Variants in CPSF4L observed in about 807,000 individuals in gnomAD.
The protein encoded by CPSF4L is putative cleavage and polyadenylation specificity factor subunit 4-like protein.
CPSF4L carries 18 observed loss-of-function variants against 24.0 expected under a neutral mutation model. The ratio of observed to expected loss-of-function variants is 0.75; its 90% CI spans 0.52 to 1.11. The LOEUF (loss-of-function observed/expected upper bound fraction) is 1.11, where lower values mean the gene tolerates loss of function less well. Among genes scored for constraint, CPSF4L ranks in the 50% least tolerant of loss-of-function variants. CPSF4L has a pLI of 0.00. For missense variants in CPSF4L, 211 were observed against 221.8 expected (o/e 0.95, Z 0.31); for synonymous variants, 72 against 77.2 (o/e 0.93, Z 0.35).
At chr17:73,253,002 C>CT (rs5821956) in intron 4 of CPSF4L, among the ~76,000 whole-genome samples, 141,884 of 152,242 alleles carry the variant, frequency 0.93, 66,504 homozygotes, top group Non-Finnish European at 0.99. Context: ...TCCTGGAGGA[C>CT]TGCATGGATA....
At chr17:73,255,880 G>GCAGCA (rs2062023284) in intron 3 of CPSF4L, among the ~76,000 whole-genome samples, 1 of 152,150 alleles carries the variant, frequency 6.6e-6, no homozygotes, top group Non-Finnish European at 1.5e-5. Flanking sequence ...CAGCACCTCA[G>GCAGCA]CCTTCAATCC....
chr17:73,253,759 C>A (rs1398567366), intron 4 of CPSF4L, among the ~76,000 whole-genome samples, 172 bp downstream of exon 4: 3 of 152,224 alleles, frequency 2.0e-5, no homozygotes, highest in Non-Finnish European at 4.4e-5. Context: ...TATGGCCCCA[C>A]ACCAGGCTGT....
At chr17:73,262,026 G>T (rs946220102), upstream of CPSF4L, 1 of 581,412 alleles carries the variant, frequency 1.7e-6, no homozygotes, top group African/African-American at 1.9e-5. Flanking sequence ...CAGTGCAGGG[G>T]CAGACACCCC....
At chr17:73,261,028 T>A in intron 1 of CPSF4L, 45 bp from the exon 2 acceptor site, 5 of 1,508,246 alleles carry the variant, frequency 3.3e-6, no homozygotes, top group Non-Finnish European at 3.6e-6. Flanking sequence ...CCCCAGAGGC[T>A]GCAGCTGTTC....
chr17:73,248,798 G>T, intron 5 of CPSF4L: 1 of 403,442 alleles, frequency 2.5e-6, no homozygotes. Flanking sequence ...GAAAGACTGA[G>T]TTTACTTGGG....
chr17:73,260,896 C>CTGT, intron 2 of CPSF4L, 37 bp downstream of exon 2: 1 of 1,536,142 alleles, frequency 6.5e-7, no homozygotes, highest in Non-Finnish European at 8.8e-7. Flanking sequence ...ACCCTACACT[C>CTGT]ACCCAGCTTG....
Position 73,252,737 on chromosome 17 carries a change from A to G in CPSF4L, c.404-14T>C. On this transcript the variant is annotated splice_polypyrimidine_tract_variant and intron_variant, in intron 4 of 5. Coordinates refer to ENST00000344935, the MANE Select transcript of CPSF4L (RefSeq NM_001129885.1). ...TACACAGAGGACCTGCTGAGCAAAG[A>G]GAAAGTGATGAGAAGGATCCGCTTC... The G allele has an allele frequency of 2.0e-6, 3 of 1,527,590 alleles. No homozygotes were observed. The highest frequency in any genetic ancestry group is 2.5e-5 in the East Asian group (1 of 40,774). The allele number at this position is 1,527,590 out of a possible 1,614,324, so 94.6% of individuals were successfully genotyped here. A position where few individuals can be genotyped will look rare whatever the true frequency, so the allele number is the denominator to read the frequency against.
chr17:73,256,484 G>A (rs1327405724), intron 3 of CPSF4L, among the ~76,000 whole-genome samples: 1 of 152,188 alleles, frequency 6.6e-6, no homozygotes, highest in Non-Finnish European at 1.5e-5. Flanking sequence ...AGCCACATTT[G>A]GAAGCCAAGC....
At chr17:73,262,023 G>A, upstream of CPSF4L, 1 of 583,568 alleles carries the variant, frequency 1.7e-6, no homozygotes. Context: ...ACCCAGTGCA[G>A]GGGCAGACAC....
chr17:73,257,971 T>A, intron 2 of CPSF4L, 138 bp from the exon 3 acceptor site: 1 of 821,860 alleles, frequency 1.2e-6, no homozygotes, highest in Non-Finnish European at 1.8e-6. Context: ...CTGGACCCTG[T>A]AGGGGCTGGA....
intron 5 of CPSF4L, among the ~76,000 whole-genome samples, chr17:73,249,489 C>G (rs538037202): frequency 6.6e-6 from 1 of 152,142 alleles, no homozygotes; most frequent in African/African-American, 2.4e-5. Context: ...CCCCAAAACC[C>G]GACTCCTGGG....
downstream of CPSF4L, among the ~76,000 whole-genome samples, chr17:73,246,591 G>A (rs1270070162): frequency 6.6e-6 from 1 of 152,138 alleles, no homozygotes; most frequent in Non-Finnish European, 1.5e-5. Flanking sequence ...TGACTTGTAT[G>A]TCGTTTCTCT....
chr17:73,248,631 G>C, intron 5 of CPSF4L, 95 bp from the exon 6 acceptor site: 9 of 1,261,694 alleles, frequency 7.1e-6, no homozygotes, highest in Non-Finnish European at 1.0e-5. Flanking sequence ...GTGACACCCA[G>C]GCTACTGTCC....
At chr17:73,242,246 T>G in the CPSF4L span, 16 of 1,576,904 alleles carry the variant, frequency 1.0e-5, no homozygotes, top group African/African-American at 1.4e-5. Flanking sequence ...AACCATAGTT[T>G]CTTTGTTGGA....
chr17:73,242,660 G>T, the CPSF4L span, among the ~76,000 whole-genome samples: 1 of 152,166 alleles, frequency 6.6e-6, no homozygotes, highest in Non-Finnish European at 1.5e-5. Context: ...TTAACCAGTT[G>T]TATTAGCCTC....
In CPSF4L at chr17:73,248,941, T is replaced by C. The variant is rs562550744; in HGVS notation, c.498-405A>G. 1.2e-3 allele frequency: 208 copies of C among 166,894 alleles called. 2 individuals carry two copies. Among genetic ancestry groups the C allele is most frequent in the African/African-American group, 4.7e-3 (198 of 41,814 alleles). The allele number at this position is 166,894 out of a possible 1,614,324, so 10.3% of individuals were successfully genotyped here. On this transcript the variant is annotated intron_variant, in intron 5 of 5. Coordinates refer to ENST00000344935, the MANE Select transcript of CPSF4L (RefSeq NM_001129885.1). ...CTTCCGCCACTCTTCATAATAAAATTATTTGTAAAATATAAAAAGTACTCC... is the reference window on the plus strand; with the variant it reads ...CTTCCGCCACTCTTCATAATAAAATCATTTGTAAAATATAAAAAGTACTCC...
chr17:73,258,203 G>A (rs542679293), intron 2 of CPSF4L, among the ~76,000 whole-genome samples: 1 of 152,142 alleles, frequency 6.6e-6, no homozygotes, highest in South Asian at 2.1e-4. Flanking sequence ...GTAGAGACAG[G>A]GTTTCACCGT....
At position 73,259,164 on chromosome 17, in the gene CPSF4L, C is replaced by A. The variant is rs151221423; in HGVS notation, c.155-1331G>T. ...CAGGAGTTCTCCCATCTCAGCCTCC[C>A]GAGTAGCTGGGACTACAGGCATGCA... On this transcript the variant is annotated intron_variant, in intron 2 of 5. Transcript: ENST00000344935. Among the ~76,000 whole-genome samples the A allele has an allele frequency of 5.9e-3, 903 of 152,002 alleles. 10 individuals carry two copies. The highest frequency in any genetic ancestry group is 0.021 in the African/African-American group (852 of 41,430).
chr17:73,250,798 C>A (rs2062002412), intron 5 of CPSF4L, among the ~76,000 whole-genome samples: 1 of 152,184 alleles, frequency 6.6e-6, no homozygotes, highest in Non-Finnish European at 1.5e-5. Flanking sequence ...TTTGCAGGAA[C>A]AGTCTTGTCT....
Sources: gnomAD v4.1 joint callset for allele counts (sites outside exome capture counted in the v4.1 genomes callset) on GRCh38, gnomAD v4.1.1 for gene constraint, MANE v1.5 for transcripts, NCBI Gene and HGNC (gene_info 2026-07-23, HGNC 2026-07-21) for gene names.